Variants in CPNE4 observed in about 807,000 individuals in gnomAD.
CPNE4 encodes copine 4.
Under a neutral mutation model 67.9 loss-of-function variants are expected in CPNE4, and 25 were observed. The observed-to-expected ratio is 0.37, with a 90% confidence interval of 0.27 to 0.51. CPNE4 has a LOEUF of 0.51. Among genes scored for constraint, CPNE4 ranks in the 20% least tolerant of loss-of-function variants. The probability of loss-of-function intolerance (pLI) is 0.93; values close to 1 mark genes in which losing one functional copy is unlikely to be tolerated. For synonymous variants in CPNE4, 242 were observed against 244.9 expected, an observed-to-expected ratio of 0.99 and a Z score of 0.11; for missense variants, 464 against 690.8, an observed-to-expected ratio of 0.67 and a Z score of 3.68.
intron 10 of CPNE4, among the ~76,000 whole-genome samples, chr3:131,571,096 T>A (rs1418942486): frequency 6.6e-6 from 1 of 152,022 alleles, no homozygotes; most frequent in African/African-American, 2.4e-5. Flanking sequence ...TTGAAGATGA[T>A]ATACACCTAC....
chr3:131,819,111 AC>A (rs2084858413), intron 2 of CPNE4, among the ~76,000 whole-genome samples: 1 of 152,128 alleles, frequency 6.6e-6, no homozygotes, highest in Non-Finnish European at 1.5e-5. Flanking sequence ...AAACAAAAAA[AC>A]ACAAACAAAC....
At chr3:131,656,673 C>T (rs985983197) in intron 7 of CPNE4, among the ~76,000 whole-genome samples, 1 of 152,184 alleles carries the variant, frequency 6.6e-6, no homozygotes, top group South Asian at 2.1e-4. Flanking sequence ...TCCTTTCCCA[C>T]GGACCTTGGC....
intron 2 of CPNE4, among the ~76,000 whole-genome samples, chr3:131,902,218 G>C (rs7629506): frequency 0.36 from 54,044 of 151,940 alleles, 9,801 homozygotes; most frequent in East Asian, 0.44. Flanking sequence ...TGGTTATAGA[G>C]TGAGACTTTC....
intron 5 of CPNE4, among the ~76,000 whole-genome samples, chr3:131,687,141 A>T (rs951163853): frequency 8.5e-5 from 13 of 152,172 alleles, no homozygotes; most frequent in Non-Finnish European, 1.5e-4. Context: ...GGACTCTCAA[A>T]TACATGTCTC....
intron 2 of CPNE4, among the ~76,000 whole-genome samples, chr3:131,851,398 A>G (rs1006739336): frequency 2.6e-5 from 4 of 152,128 alleles, no homozygotes; most frequent in Non-Finnish European, 5.9e-5. Flanking sequence ...AGTTGGGCAC[A>G]GGAAATATAA....
chr3:131,680,049 T>C (rs2080700727), intron 6 of CPNE4, among the ~76,000 whole-genome samples: 1 of 152,160 alleles, frequency 6.6e-6, no homozygotes, highest in South Asian at 2.1e-4. Flanking sequence ...ACTATTATTG[T>C]GTGGGGGTCT....
chr3:131,982,830 T>C (rs1276357671), intron 1 of CPNE4, among the ~76,000 whole-genome samples: 1 of 152,076 alleles, frequency 6.6e-6, no homozygotes, highest in Admixed American at 6.5e-5. Flanking sequence ...AAACTTTAAA[T>C]TGGCTTACAA....
chr3:131,642,476 A>G (rs1046311543), intron 7 of CPNE4, among the ~76,000 whole-genome samples: 1 of 152,230 alleles, frequency 6.6e-6, no homozygotes, highest in Non-Finnish European at 1.5e-5. Context: ...AGGTAAAATA[A>G]TAGACTTAAA....
intron 1 of CPNE4, among the ~76,000 whole-genome samples, chr3:131,988,436 C>A (rs1158774180): frequency 6.6e-6 from 1 of 152,142 alleles, no homozygotes; most frequent in Non-Finnish European, 1.5e-5. Context: ...TGTGGTGAGC[C>A]AGTTGGAGAG....
At chr3:131,971,887 C>T (rs530872343) in intron 1 of CPNE4, among the ~76,000 whole-genome samples, 29 of 152,190 alleles carry the variant, frequency 1.9e-4, no homozygotes, top group Non-Finnish European at 4.3e-4. Context: ...AACAATTTCC[C>T]TCTCCCCTTG....
At chr3:131,865,297 GT>G (rs2086891452) in intron 2 of CPNE4, among the ~76,000 whole-genome samples, 1 of 152,160 alleles carries the variant, frequency 6.6e-6, no homozygotes, top group Non-Finnish European at 1.5e-5. Context: ...GCTCCTCCTT[GT>G]ACCTCTGGTA....
chr3:131,708,092 G>GACT (rs33916424), intron 3 of CPNE4, among the ~76,000 whole-genome samples: 1 of 1,720 alleles, frequency 5.8e-4, no homozygotes, highest in East Asian at 1.6e-3. Context: ...TATTGGCTTA[G>GACT]GGGTCCTGGC....
intron 7 of CPNE4, among the ~76,000 whole-genome samples, chr3:131,640,471 A>G (rs777686278): frequency 6.6e-6 from 1 of 152,216 alleles, no homozygotes; most frequent in Non-Finnish European, 1.5e-5. Context: ...GATGTGAAAG[A>G]CTTCTGCAAG....
rs903932235 is a variant in CPNE4 at position 131,535,092 on chromosome 3, G to A, written c.*103C>T. On this transcript the variant is annotated 3_prime_UTR_variant, in exon 16 of 16. Coordinates refer to ENST00000429747, the MANE Select transcript of CPNE4 (RefSeq NM_130808.3). ...ACCAAAACGTGCTATTTTTAAATGTGTATATGTTGTTGGTTTTTTAAAGTA... is the reference window on the plus strand; with the variant it reads ...ACCAAAACGTGCTATTTTTAAATGTATATATGTTGTTGGTTTTTTAAAGTA... 8.5e-5 allele frequency: 105 copies of A among 1,240,082 alleles called. No individual in the cohort carries two copies. Among genetic ancestry groups the A allele is most frequent in the Non-Finnish European group, 1.1e-4 (98 of 903,860 alleles). 76.8% of individuals were successfully genotyped at this position (1,240,082 alleles called of 1,614,324 possible). A position where few individuals can be genotyped will look rare whatever the true frequency, so the allele number is the denominator to read the frequency against.
chr3:131,755,561 T>A (rs1214703421), intron 2 of CPNE4, among the ~76,000 whole-genome samples: 1 of 152,150 alleles, frequency 6.6e-6, no homozygotes, highest in Non-Finnish European at 1.5e-5. Flanking sequence ...CAATTACAAA[T>A]CAATTACTGT....
intron 6 of CPNE4, among the ~76,000 whole-genome samples, chr3:131,672,846 T>G (rs2080458842): frequency 6.6e-6 from 1 of 152,030 alleles, no homozygotes; most frequent in African/African-American, 2.4e-5. Flanking sequence ...TAACTTGATG[T>G]GATCCCCTTT....
chr3:131,606,415 A>T (rs533073254), intron 7 of CPNE4, among the ~76,000 whole-genome samples: 28 of 152,172 alleles, frequency 1.8e-4, no homozygotes, highest in Non-Finnish European at 2.6e-4. Context: ...TAGTTTTGCT[A>T]CTGCTATGTC....
At chr3:131,863,802 T>A (rs1326650990) in intron 2 of CPNE4, among the ~76,000 whole-genome samples, 7 of 152,238 alleles carry the variant, frequency 4.6e-5, no homozygotes, top group Non-Finnish European at 7.3e-5. Context: ...CTGAATGGTA[T>A]TGCCTAAGTT....
At chr3:131,655,339 T>C (rs993823895) in intron 7 of CPNE4, among the ~76,000 whole-genome samples, 5 of 152,208 alleles carry the variant, frequency 3.3e-5, no homozygotes, top group African/African-American at 1.2e-4. Flanking sequence ...TTTGATGATA[T>C]TATTCTAGAT....
Sources: allele counts gnomAD v4.1 joint callset (sites outside exome capture counted in the v4.1 genomes callset), GRCh38; gene constraint gnomAD v4.1.1; transcripts MANE v1.5; gene names NCBI Gene and HGNC (gene_info 2026-07-23, HGNC 2026-07-21).